The following NSD3 variants were observed in gnomAD, a reference collection of about 807,000 sequenced individuals.
The protein encoded by NSD3 is histone-lysine N-methyltransferase NSD3.
In NSD3, 24 loss-of-function variants were observed where a neutral mutation model predicts 160.8. The ratio of observed to expected loss-of-function variants is 0.15; its 90% confidence interval spans 0.11 to 0.21. The LOEUF is 0.21. NSD3 is among the 10% of genes least tolerant of loss of function. The pLI is 1.00. For missense variants in NSD3, 1,157 were observed against 1,735.9 expected (o/e 0.67, Z 5.93); for synonymous variants, 520 against 600.0 (o/e 0.87, Z 1.95).
At chr8:38,372,366 A>T (rs1192721855) in intron 1 of NSD3, among the ~76,000 whole-genome samples, 1 of 152,158 alleles carries the variant, frequency 6.6e-6, no homozygotes, top group Non-Finnish European at 1.5e-5. Context: ...ATCACTAAAC[A>T]CTGACAATAA....
At position 38,321,229 on chromosome 8, in the gene NSD3, A is replaced by C. The variant is rs1010017986; in HGVS notation, c.1709-57T>G. On this transcript the variant is annotated intron_variant, in intron 7 of 23. Coordinates refer to ENST00000317025, the MANE Select transcript of NSD3 (RefSeq NM_023034.2). The surrounding 1 kb of genome is among the most constrained non-coding windows in gnomAD (Gnocchi z 4.7). ...CTCACTTAAGGATACCTTGACATCT[A>C]TGTAATTAAGATATGACCACATTCC... 6 of 1,432,950 alleles carry C rather than the reference A, an allele frequency of 4.2e-6. No homozygotes were observed. The highest frequency in any genetic ancestry group is 4.8e-6 in the Non-Finnish European group (5 of 1,041,292). 88.8% of individuals were successfully genotyped at this position (1,432,950 alleles called of 1,614,324 possible). A position where few individuals can be genotyped will look rare whatever the true frequency, so the allele number is the denominator to read the frequency against.
rs1227156443 is a variant in NSD3 at position 38,269,793 on chromosome 8, C to T, written c.*5848G>A. The T allele has an allele frequency of 6.6e-6, 1 of 152,182 alleles. No individual in the cohort carries two copies. Among genetic ancestry groups the T allele is most frequent in the African/African-American group, 2.4e-5 (1 of 41,420 alleles). 9.4% of individuals were successfully genotyped at this position (152,182 alleles called of 1,614,324 possible). On this transcript the variant is annotated 3_prime_UTR_variant, in exon 24 of 24. Coordinates refer to ENST00000317025, the MANE Select transcript of NSD3 (RefSeq NM_023034.2). Reference sequence around the variant, plus strand: ...CATTAAAAACCTTTCCAAATTAATCCTCACGGAAGCAAAAAACACATTGGA... The same window carrying T: ...CATTAAAAACCTTTCCAAATTAATCTTCACGGAAGCAAAAAACACATTGGA...
At chr8:38,281,347 CAA>C in intron 20 of NSD3, 118 bp downstream of exon 20, 1 of 480,038 alleles carries the variant, frequency 2.1e-6, no homozygotes, top group Non-Finnish European at 3.5e-6. Flanking sequence ...CTAGCTACTG[CAA>C]ATCATTATGC....
chr8:38,317,056 A>C lies in NSD3; in HGVS notation c.1856-1014T>G. The C allele has an allele frequency of 9.4e-7, 1 of 1,060,190 alleles. No individual in the cohort carries two copies. Among genetic ancestry groups the C allele is most frequent in the Non-Finnish European group, 1.1e-6 (1 of 876,136 alleles). The allele number at this position is 1,060,190 out of a possible 1,614,324, so 65.7% of individuals were successfully genotyped here. A position where few individuals can be genotyped will look rare whatever the true frequency, so the allele number is the denominator to read the frequency against. Reference sequence around the variant, plus strand: ...AAACAGACATCTAGATCAACCCAGCAAGCTATGGTGGAAGTGTGCAGTCCA... The same window carrying C: ...AAACAGACATCTAGATCAACCCAGCCAGCTATGGTGGAAGTGTGCAGTCCA... On this transcript the variant is annotated intron_variant, in intron 9 of 23. Coordinates refer to ENST00000317025, the MANE Select transcript of NSD3 (RefSeq NM_023034.2). This position sits in a 1 kb window ranked among gnomAD's most constrained non-coding sequence, Gnocchi z 5.3.
At chr8:38,279,080 C>G (rs935883683) in intron 21 of NSD3, among the ~76,000 whole-genome samples, 2 of 152,202 alleles carry the variant, frequency 1.3e-5, no homozygotes, top group African/African-American at 4.8e-5. Context: ...GCTTCAGAGG[C>G]TTTTATGTCT....
intron 4 of NSD3, among the ~76,000 whole-genome samples, chr8:38,333,212 G>A (rs1467110076): frequency 6.6e-6 from 1 of 152,082 alleles, no homozygotes; most frequent in Non-Finnish European, 1.5e-5. Flanking sequence ...CATAAAAGCC[G>A]AAATTTATAG....
Position 38,288,877 on chromosome 8 carries a change from T to A in NSD3, c.3232-121A>T. 1 of 1,231,226 alleles carries A rather than the reference T, an allele frequency of 8.1e-7. No individual in the cohort carries two copies. Among genetic ancestry groups the A allele is most frequent in the Non-Finnish European group, 1.1e-6 (1 of 893,538 alleles). 76.3% of individuals were successfully genotyped at this position (1,231,226 alleles called of 1,614,324 possible). A position where few individuals can be genotyped will look rare whatever the true frequency, so the allele number is the denominator to read the frequency against. On this transcript the variant is annotated intron_variant, in intron 18 of 23. Transcript: ENST00000317025. This position sits in a 1 kb window ranked among gnomAD's most constrained non-coding sequence, Gnocchi z 4.5. The stretch of plus-strand genomic sequence containing the variant: ...GTGCTACTCCGAGAAAGGTTGTCTT[T>A]CCTGATGAATAAGCTGAGATTAATA...
At chr8:38,286,064 C>T (rs1386730343) in intron 19 of NSD3, among the ~76,000 whole-genome samples, 1 of 152,176 alleles carries the variant, frequency 6.6e-6, no homozygotes, top group Non-Finnish European at 1.5e-5. Flanking sequence ...TTGTCGCCTC[C>T]TCCCCTTGTT....
intron 1 of NSD3, among the ~76,000 whole-genome samples, chr8:38,349,074 C>A (rs892088409): frequency 2.0e-5 from 3 of 152,164 alleles, no homozygotes; most frequent in African/African-American, 7.2e-5. Flanking sequence ...ACTTTCACAT[C>A]TTTCTCTACA....
chr8:38,342,253 G>A (rs1408354768), intron 2 of NSD3, among the ~76,000 whole-genome samples: 2 of 152,098 alleles, frequency 1.3e-5, no homozygotes, highest in African/African-American at 4.8e-5. Flanking sequence ...AAATGTACGT[G>A]AGCAAAACAG....
chr8:38,371,017 C>T (rs1010320050), intron 1 of NSD3, among the ~76,000 whole-genome samples: 11 of 151,858 alleles, frequency 7.2e-5, no homozygotes, highest in African/African-American at 2.7e-4. Flanking sequence ...AAAAGACCTT[C>T]AACACAGAAT....
intron 1 of NSD3, among the ~76,000 whole-genome samples, chr8:38,376,497 G>A (rs1031512624): frequency 6.6e-6 from 1 of 151,300 alleles, no homozygotes; most frequent in Non-Finnish European, 1.5e-5. Flanking sequence ...GTGCAATGGC[G>A]CGACCTCAGC....
chr8:38,366,004 G>C (rs953792051), intron 1 of NSD3, among the ~76,000 whole-genome samples: 3 of 151,370 alleles, frequency 2.0e-5, no homozygotes, highest in Admixed American at 2.0e-4. Flanking sequence ...TGGAACTCTC[G>C]GGAGGCTGAG....
chr8:38,359,726 G>A (rs1810913724), intron 1 of NSD3, among the ~76,000 whole-genome samples: 1 of 152,072 alleles, frequency 6.6e-6, no homozygotes, highest in African/African-American at 2.4e-5. Context: ...CAAACAAAAC[G>A]GATCCTGCTT....
intron 10 of NSD3, 88 bp from the exon 11 acceptor site, chr8:38,315,632 TCAAACATTAGATCTTGACA>T: frequency 6.5e-7 from 1 of 1,543,898 alleles, no homozygotes; most frequent in Non-Finnish European, 8.8e-7. Flanking sequence ...TAAGACTTGC[TCAAACATTAGATCTTGACA>T]CAACCACCTT....
At chr8:38,342,595 G>A (rs1309490657) in intron 2 of NSD3, among the ~76,000 whole-genome samples, 1 of 151,174 alleles carries the variant, frequency 6.6e-6, no homozygotes, top group Admixed American at 6.6e-5. Context: ...TTGAGACAGA[G>A]TCTTGCTCTG....
At chr8:38,315,642 G>C in intron 10 of NSD3, 98 bp from the exon 11 acceptor site, 10 of 1,492,920 alleles carry the variant, frequency 6.7e-6, no homozygotes, top group African/African-American at 1.4e-5. Context: ...TCAAACATTA[G>C]ATCTTGACAC....
At position 38,317,588 on chromosome 8, in the gene NSD3, T is replaced by C. The variant is rs1210515394; in HGVS notation, c.1855+1307A>G. On this transcript the variant is annotated intron_variant, in intron 9 of 23. Transcript: ENST00000317025. The surrounding 1 kb of genome is among the most constrained non-coding windows in gnomAD (Gnocchi z 5.3). ...TAAAAAAAATAAGAACTTTTAATGA[T>C]TGTAATGTATACAGTTTGGGCTGTT... is the stretch of plus-strand genomic sequence containing the variant. The C allele has an allele frequency of 1.9e-6, 2 of 1,074,790 alleles. No homozygotes were observed. The highest frequency in any genetic ancestry group is 2.3e-6 in the Non-Finnish European group (2 of 885,624). The allele number at this position is 1,074,790 out of a possible 1,614,324, so 66.6% of individuals were successfully genotyped here. A position where few individuals can be genotyped will look rare whatever the true frequency, so the allele number is the denominator to read the frequency against.
rs368486139 is a variant in NSD3 at position 38,353,109 on chromosome 8, C to G, written c.-44-4894G>C. 3.5e-4 allele frequency among the ~76,000 whole-genome samples: 53 copies of G among 152,222 alleles called. 1 individual carries two copies. The South Asian group carries it at 0.01, about 30-fold the overall frequency. On this transcript the variant is annotated intron_variant, in intron 1 of 23. Transcript: ENST00000317025. Reference sequence around the variant, plus strand: ...ATAGAGGCACAGAGAAGTTAAATGACTTGCTCAAGTGCACATGGCTAAGAT... The same window carrying G: ...ATAGAGGCACAGAGAAGTTAAATGAGTTGCTCAAGTGCACATGGCTAAGAT...
Sources: allele counts gnomAD v4.1 joint callset (sites outside exome capture counted in the v4.1 genomes callset), GRCh38; gene constraint gnomAD v4.1.1; non-coding constraint Gnocchi (gnomAD v3.1); transcripts MANE v1.5; gene names NCBI Gene and HGNC (gene_info 2026-07-23, HGNC 2026-07-21).